RSRC1: variants seen among roughly 807,000 people sequenced by gnomAD.
RSRC1 encodes serine/Arginine-related protein 53.
RSRC1 carries 39 observed loss-of-function variants against 49.1 expected under a neutral mutation model. The observed-to-expected ratio is 0.79, with a 90% CI of 0.61 to 1.04. The LOEUF is 1.04. Among genes scored for constraint, RSRC1 ranks in the 50% least tolerant of loss-of-function variants. The pLI is 0.00. For missense variants in RSRC1, 388 were observed against 402.4 expected (o/e 0.96, Z 0.31); for synonymous variants, 143 against 130.8 (o/e 1.09, Z -0.63).
intron 6 of RSRC1, among the ~76,000 whole-genome samples, chr3:158,441,195 G>T (rs964753420): frequency 2.6e-5 from 4 of 151,974 alleles, no homozygotes; most frequent in African/African-American, 9.7e-5. Flanking sequence ...CTAAATCTGG[G>T]TTATGAAGTG....
chr3:158,391,100 T>C (rs1326731632), intron 6 of RSRC1, among the ~76,000 whole-genome samples: 1 of 152,186 alleles, frequency 6.6e-6, no homozygotes, highest in African/African-American at 2.4e-5. Context: ...ATTAGTAATA[T>C]TATAATTTTA....
At chr3:158,518,203 T>C (rs1740709567) in intron 7 of RSRC1, among the ~76,000 whole-genome samples, 1 of 143,544 alleles carries the variant, frequency 7.0e-6, no homozygotes, top group African/African-American at 2.6e-5. Flanking sequence ...CATTCATGAT[T>C]TGCTTCTGTG....
At chr3:158,153,794 G>A (rs1717691837) in intron 3 of RSRC1, among the ~76,000 whole-genome samples, 2 of 151,848 alleles carry the variant, frequency 1.3e-5, no homozygotes, top group Admixed American at 1.3e-4. Context: ...TTTGGATTGA[G>A]GAGCTTGTTT....
At chr3:158,338,092 A>G (rs961569281) in intron 5 of RSRC1, among the ~76,000 whole-genome samples, 10 of 152,186 alleles carry the variant, frequency 6.6e-5, no homozygotes, top group Admixed American at 5.9e-4. Context: ...GTCCTCAAGG[A>G]TGTTGTAACC....
chr3:158,113,203 CTTTGGG>C (rs1714528893), intron 1 of RSRC1, among the ~76,000 whole-genome samples: 4 of 152,074 alleles, frequency 2.6e-5, no homozygotes, highest in Admixed American at 6.6e-5. Context: ...GGTTCTAGGT[CTTTGGG>C]GAATCACCAC....
At chr3:158,171,785 A>G (rs1277547628) in intron 3 of RSRC1, among the ~76,000 whole-genome samples, 1 of 152,046 alleles carries the variant, frequency 6.6e-6, no homozygotes, top group African/African-American at 2.4e-5. Flanking sequence ...TCCTGTATCT[A>G]CCAAAAATAA....
chr3:158,210,430 G>A (rs1384089971), intron 4 of RSRC1, among the ~76,000 whole-genome samples: 3 of 148,652 alleles, frequency 2.0e-5, no homozygotes, highest in South Asian at 2.1e-4. Context: ...TGGTTCGAAA[G>A]CAGTATATCG....
chr3:158,236,447 G>T (rs930207879), intron 4 of RSRC1, among the ~76,000 whole-genome samples: 15 of 152,152 alleles, frequency 9.9e-5, no homozygotes, highest in African/African-American at 1.9e-4. Context: ...TTAAAAGTTT[G>T]TTTGTGCTTT....
chr3:158,449,042 A>G (rs1216903846), intron 6 of RSRC1, among the ~76,000 whole-genome samples: 1 of 151,932 alleles, frequency 6.6e-6, no homozygotes, highest in African/African-American at 2.4e-5. Context: ...TAGATTTGTC[A>G]TGCTCATTCA....
In RSRC1 at chr3:158,290,339, T is replaced by C. The variant is rs963146630; in HGVS notation, c.495-7700T>C. ...CCAGGCTGGAGTGCAGTGGCGCGAT[T>C]TCGGCTCACTGCAAGCTCCGCCTCC... On this transcript the variant is annotated intron_variant, in intron 4 of 9. Coordinates refer to ENST00000611884, the MANE Select transcript of RSRC1 (RefSeq NM_001271838.2). 1.7e-4 allele frequency among the ~76,000 whole-genome samples: 25 copies of C among 150,302 alleles called. No homozygotes were observed. In the South Asian group the frequency reaches 2.9e-3, roughly 17 times the overall value.
chr3:158,517,871 G>T (rs1740662599), intron 7 of RSRC1, among the ~76,000 whole-genome samples: 1 of 141,660 alleles, frequency 7.1e-6, no homozygotes, highest in African/African-American at 2.6e-5. Flanking sequence ...CGCAAAGTGA[G>T]GATTATAGGC....
chr3:158,443,114 C>G (rs549422591), intron 6 of RSRC1, among the ~76,000 whole-genome samples: 1 of 152,182 alleles, frequency 6.6e-6, no homozygotes, highest in Admixed American at 6.5e-5. Flanking sequence ...TAGCATCATT[C>G]TTAAGGACCC....
At chr3:158,381,097 A>G (rs530678697) in intron 6 of RSRC1, among the ~76,000 whole-genome samples, 1 of 152,352 alleles carries the variant, frequency 6.6e-6, no homozygotes, top group Admixed American at 6.5e-5. Context: ...ATACTAGTCT[A>G]TGTTATTTAC....
At chr3:158,248,498 T>C (rs1724029297) in intron 4 of RSRC1, among the ~76,000 whole-genome samples, 1 of 152,214 alleles carries the variant, frequency 6.6e-6, no homozygotes, top group Non-Finnish European at 1.5e-5. Context: ...TTTTGACTAT[T>C]ACTGGTAAAA....
At chr3:158,142,587 C>T (rs757887982) in intron 3 of RSRC1, among the ~76,000 whole-genome samples, 5 of 152,056 alleles carry the variant, frequency 3.3e-5, no homozygotes, top group Admixed American at 2.6e-4. Context: ...AGTTTATAAA[C>T]GTGGTGAAAG....
intron 7 of RSRC1, among the ~76,000 whole-genome samples, chr3:158,503,463 C>A: frequency 6.6e-6 from 1 of 152,044 alleles, no homozygotes; most frequent in East Asian, 1.9e-4. Context: ...GATTATATGC[C>A]CTTTGTCTTC....
chr3:158,512,494 A>C (rs1403819426), intron 7 of RSRC1, among the ~76,000 whole-genome samples: 1 of 152,144 alleles, frequency 6.6e-6, no homozygotes, highest in Non-Finnish European at 1.5e-5. Flanking sequence ...TGGTACCAGT[A>C]CCATGCTGTT....
intron 6 of RSRC1, among the ~76,000 whole-genome samples, chr3:158,451,982 G>A (rs1042992769): frequency 6.6e-6 from 1 of 151,958 alleles, no homozygotes; most frequent in Non-Finnish European, 1.5e-5. Flanking sequence ...AGACAAATAG[G>A]CATATCTTGA....
At position 158,409,053 on chromosome 3, in the gene RSRC1, T is replaced by C. The variant is rs1240253925; in HGVS notation, c.584-51882T>C. Among the ~76,000 whole-genome samples, 5 of 151,442 alleles carry C rather than the reference T, an allele frequency of 3.3e-5. No individual in the cohort carries two copies. The South Asian group carries it at 8.4e-4, about 25-fold the overall frequency. ...GTCTGAATAATAATAATAATAATAA[T>C]TAATAAAATAAGTGGGAGCTAAATG... On this transcript the variant is annotated intron_variant, in intron 6 of 9. Transcript: ENST00000611884.
Sources: gnomAD v4.1 joint callset for allele counts (sites outside exome capture counted in the v4.1 genomes callset) on GRCh38, gnomAD v4.1.1 for gene constraint, MANE v1.5 for transcripts, NCBI Gene and HGNC (gene_info 2026-07-23, HGNC 2026-07-21) for gene names.